RTL4: variants seen among roughly 807,000 people sequenced by gnomAD.
The protein encoded by RTL4 is retrotransposon Gag-like protein 4.
A neutral mutation model predicts 5.3 loss-of-function variants in RTL4; 4 were observed. That is an observed-to-expected ratio of 0.75 (90% CI 0.37 to 1.72). The LOEUF (loss-of-function observed/expected upper bound fraction) is 1.72. RTL4 is among the 40% of genes most tolerant of loss of function. The pLI, the probability that RTL4 is intolerant of heterozygous loss-of-function variation, is 0.04. For synonymous variants in RTL4, 98 were observed against 87.3 expected, an observed-to-expected ratio of 1.12 and a Z score of -0.68; for missense variants, 260 against 227.1, an observed-to-expected ratio of 1.14 and a Z score of -0.93.
the RTL4 span, among the ~76,000 whole-genome samples, chrX:112,262,744 T>TAC: frequency 9.0e-6 from 1 of 110,912 alleles, no homozygotes; most frequent in African/African-American, 3.3e-5. Flanking sequence ...CACATGCACG[T>TAC]GTATGTTTAT....
At chrX:112,090,590 G>A in the RTL4 span, among the ~76,000 whole-genome samples, 1 of 110,890 alleles carries the variant, frequency 9.0e-6, no homozygotes, top group Non-Finnish European at 1.9e-5. Context: ...ACATTCCTGG[G>A]ATTAATCCCA....
At chrX:112,180,068 G>T in the RTL4 span, among the ~76,000 whole-genome samples, 2 of 111,210 alleles carry the variant, frequency 1.8e-5, no homozygotes, top group Non-Finnish European at 1.9e-5. Flanking sequence ...AAAATGCCTT[G>T]ACACTTGGAA....
exon 1 of RTL4, chrX:112,456,337 T>C: frequency 3.3e-6 from 1 of 307,168 alleles, no homozygotes; most frequent in Non-Finnish European, 5.9e-6. Flanking sequence ...ACAAACCAGA[T>C]TGAATGGGCA....
At chrX:112,276,996 A>T in the RTL4 span, among the ~76,000 whole-genome samples, 1 of 112,121 alleles carries the variant, frequency 8.9e-6, no homozygotes, top group African/African-American at 3.2e-5. Context: ...TGAGCACCGA[A>T]TGTTTCTTAT....
At chrX:112,345,213 G>GATGA in the RTL4 span, among the ~76,000 whole-genome samples, 169 of 111,262 alleles carry the variant, frequency 1.5e-3, no homozygotes, top group African/African-American at 5.1e-3. Flanking sequence ...CTCCAGAGAT[G>GATGA]ATGACGTGAG....
At chrX:112,168,392 G>A in the RTL4 span, among the ~76,000 whole-genome samples, 1 of 111,740 alleles carries the variant, frequency 8.9e-6, no homozygotes, top group African/African-American at 3.3e-5. Context: ...GCTTTCACAG[G>A]CATTTGAACC....
At chrX:112,263,324 A>T in the RTL4 span, among the ~76,000 whole-genome samples, 1 of 110,903 alleles carries the variant, frequency 9.0e-6, no homozygotes, top group Non-Finnish European at 1.9e-5. Flanking sequence ...GGAGCACAAC[A>T]CAGTTTGAGG....
At chrX:112,311,033 A>G in the RTL4 span, among the ~76,000 whole-genome samples, 1 of 106,595 alleles carries the variant, frequency 9.4e-6, no homozygotes, top group East Asian at 2.9e-4. Flanking sequence ...CTTGAGATGA[A>G]GTTTAAGAAG....
chrX:112,092,326 T>C, the RTL4 span, among the ~76,000 whole-genome samples: 1 of 112,129 alleles, frequency 8.9e-6, no homozygotes. Flanking sequence ...TGATTGATTT[T>C]CTCTTCTGCT....
At chrX:112,110,349 T>C in the RTL4 span, among the ~76,000 whole-genome samples, 1 of 111,805 alleles carries the variant, frequency 8.9e-6, no homozygotes, top group East Asian at 2.8e-4. Flanking sequence ...TCTTGTAAAC[T>C]GTCCAAGAAA....
the RTL4 span, among the ~76,000 whole-genome samples, chrX:112,109,523 C>T: frequency 9.0e-6 from 1 of 111,681 alleles, no homozygotes; most frequent in Non-Finnish European, 1.9e-5. Flanking sequence ...GTCCATTTTA[C>T]AGAGTGCTGA....
the RTL4 span, among the ~76,000 whole-genome samples, chrX:112,429,049 T>C: frequency 9.0e-6 from 1 of 111,730 alleles, no homozygotes; most frequent in Non-Finnish European, 1.9e-5. Context: ...ATATTTAAAG[T>C]GGATTTCTTG....
the RTL4 span, among the ~76,000 whole-genome samples, chrX:112,378,339 T>C: frequency 5.0e-3 from 564 of 111,724 alleles, 5 homozygotes; most frequent in African/African-American, 0.018. Context: ...AGAATGACAT[T>C]GAGCCTGAAC....
the RTL4 span, among the ~76,000 whole-genome samples, chrX:112,275,549 C>A: frequency 8.9e-6 from 1 of 111,926 alleles, no homozygotes; most frequent in East Asian, 2.8e-4. Context: ...CTTAAATTTT[C>A]TGTGTATCAA....
chrX:112,267,360 A>G, the RTL4 span, among the ~76,000 whole-genome samples: 1 of 111,962 alleles, frequency 8.9e-6, no homozygotes, highest in Non-Finnish European at 1.9e-5. Flanking sequence ...CAATGAACAC[A>G]ATCAACATCC....
chrX:112,151,205 G>A, the RTL4 span, among the ~76,000 whole-genome samples: 1 of 112,222 alleles, frequency 8.9e-6, no homozygotes, highest in Non-Finnish European at 1.9e-5. Flanking sequence ...ATCAGTGCAC[G>A]GTCTCACAGA....
chrX:112,131,555 T>C, the RTL4 span, among the ~76,000 whole-genome samples: 1 of 111,918 alleles, frequency 8.9e-6, no homozygotes, highest in Non-Finnish European at 1.9e-5. Context: ...AGGACTTCAA[T>C]AATGAGACCT....
the RTL4 span, among the ~76,000 whole-genome samples, chrX:112,239,241 G>A: frequency 9.0e-6 from 1 of 111,473 alleles, no homozygotes; most frequent in Non-Finnish European, 1.9e-5. Context: ...CCTGGCAGGG[G>A]CAGGTGGCAC....
At chrX:112,423,384 C>T in the RTL4 span, among the ~76,000 whole-genome samples, 2 of 110,062 alleles carry the variant, frequency 1.8e-5, no homozygotes, top group Admixed American at 9.8e-5. Flanking sequence ...CCCTGCCCCC[C>T]GCCCAAGTGC....
Sources: allele counts gnomAD v4.1 joint callset (sites outside exome capture counted in the v4.1 genomes callset), GRCh38; gene constraint gnomAD v4.1.1; transcripts MANE v1.5; gene names NCBI Gene and HGNC (gene_info 2026-07-23, HGNC 2026-07-21).